BICDL1: variants seen among roughly 807,000 people sequenced by gnomAD.
The protein encoded by BICDL1 is BICD family-like cargo adapter 1.
In BICDL1, 20 loss-of-function variants were observed where a neutral mutation model predicts 76.8. That is an observed-to-expected ratio of 0.26 (90% CI 0.18 to 0.38). BICDL1 has a LOEUF of 0.38. BICDL1 is among the 10% of genes least tolerant of loss of function. The pLI, the probability that BICDL1 is intolerant of heterozygous loss-of-function variation, is 1.00. For missense variants in BICDL1, 700 were observed against 798.6 expected, an observed-to-expected ratio of 0.88 and a Z score of 1.49; for synonymous variants, 383 against 337.1, an observed-to-expected ratio of 1.14 and a Z score of -1.49.
chr12:120,013,476 G>GTGTGTC (rs1346659976), intron 2 of BICDL1, among the ~76,000 whole-genome samples: 8 of 150,774 alleles, frequency 5.3e-5, no homozygotes, highest in Non-Finnish European at 1.2e-4. Context: ...GTGTGTGTGT[G>GTGTGTC]TGTGTGTCAG....
intron 2 of BICDL1, among the ~76,000 whole-genome samples, chr12:120,001,541 T>C (rs1421022209): frequency 6.6e-6 from 1 of 151,846 alleles, no homozygotes; most frequent in Non-Finnish European, 1.5e-5. Context: ...CCACCACGCC[T>C]GGCCAAAGGC....
chr12:120,074,261 C>T (rs1231030971), intron 6 of BICDL1, among the ~76,000 whole-genome samples, 182 bp from the exon 7 acceptor site: 3 of 152,002 alleles, frequency 2.0e-5, no homozygotes, highest in African/African-American at 7.2e-5. Context: ...TCTCTTCCCT[C>T]CTCCTTTTCT....
In BICDL1 at chr12:120,036,050, GTATAT is replaced by G. The variant is rs1301079667; in HGVS notation, c.646-25653_646-25649del. 3.9e-5 allele frequency among the ~76,000 whole-genome samples: 6 copies of G among 152,096 alleles called. No homozygotes were observed. The South Asian group carries it at 8.3e-4, about 21-fold the overall frequency. ...TAGCTTAGTAAATTATTTTGCTTTGGTATATTATATTTCATTGTATGAATATTCAC... is the reference window on the plus strand; with the variant it reads ...TAGCTTAGTAAATTATTTTGCTTTGGTATATTTCATTGTATGAATATTCAC... On this transcript the variant is annotated intron_variant, in intron 2 of 9. Transcript: ENST00000548673.
chr12:120,092,301 C>T (rs772726783), intron 9 of BICDL1: 71 of 985,374 alleles, frequency 7.2e-5, no homozygotes, highest in Middle Eastern at 1.0e-3. Flanking sequence ...ACCACATGAA[C>T]GAATTCGAGT....
intron 7 of BICDL1, among the ~76,000 whole-genome samples, chr12:120,078,560 G>A (rs1873741022): frequency 6.6e-6 from 1 of 152,190 alleles, no homozygotes; most frequent in African/African-American, 2.4e-5. Flanking sequence ...ACAACCACAT[G>A]CATTGAGCCC....
intron 1 of BICDL1, chr12:119,993,433 C>T (rs1395093772): frequency 6.6e-6 from 1 of 152,108 alleles, no homozygotes; most frequent in Non-Finnish European, 1.5e-5. Context: ...TAAAGGCATA[C>T]TATTAATATT....
intron 2 of BICDL1, chr12:120,018,861 TG>T (rs1355604660): frequency 6.6e-6 from 1 of 151,984 alleles, no homozygotes; most frequent in Non-Finnish European, 1.5e-5. Context: ...TTGGCCAACG[TG>T]GTGAAACACC....
rs550764256 is a variant in BICDL1 at position 120,093,120 on chromosome 12, G to A, written c.1825G>A (p.Ala609Thr). ...TGGGCGGGGGGATGAGCCCAGCATC[G>A]CTGAAGGCAAACGACTCTTCTCATT... ...SAGRGDEPSI[A>T]EGKRLFSFFR... is the part of the protein sequence containing the mutation. Residue 609 changes from alanine (A) to threonine (T), a missense_variant, in exon 10 of 10, where the codon GCT (alanine) becomes ACT (threonine). By Grantham distance (58) the Ala-to-Thr change is moderately conservative. Coordinates refer to ENST00000548673, the MANE Select transcript of BICDL1 (RefSeq NM_001367886.1). 3.5e-5 allele frequency: 56 copies of A among 1,613,372 alleles called. No individual in the cohort carries two copies. The highest frequency in any genetic ancestry group is 5.0e-5 in the Admixed American group (3 of 59,912).
At chr12:120,083,420 G>A (rs1413931277) in intron 8 of BICDL1, among the ~76,000 whole-genome samples, 1 of 151,672 alleles carries the variant, frequency 6.6e-6, no homozygotes, top group Non-Finnish European at 1.5e-5. Flanking sequence ...CACCACACCT[G>A]GCTAGTTTTT....
At chr12:120,057,525 TATTTA>T (rs1481967148) in intron 2 of BICDL1, among the ~76,000 whole-genome samples, 1 of 152,232 alleles carries the variant, frequency 6.6e-6, no homozygotes, top group Non-Finnish European at 1.5e-5. Context: ...AAGAGGTTAT[TATTTA>T]ATTTATGTGC....
intron 2 of BICDL1, among the ~76,000 whole-genome samples, chr12:120,048,220 G>T (rs944149129): frequency 6.6e-6 from 1 of 151,126 alleles, no homozygotes; most frequent in South Asian, 2.1e-4. Context: ...TCACTGTGTC[G>T]CTCAGGCTGG....
chr12:120,003,903 G>C (rs376990120), intron 2 of BICDL1, among the ~76,000 whole-genome samples: 2 of 152,158 alleles, frequency 1.3e-5, no homozygotes, highest in Non-Finnish European at 2.9e-5. Flanking sequence ...TTGGGTTTAG[G>C]TATCATTATG....
intron 2 of BICDL1, among the ~76,000 whole-genome samples, chr12:120,039,765 G>A (rs1594152742): frequency 6.6e-6 from 1 of 152,138 alleles, no homozygotes; most frequent in Non-Finnish European, 1.5e-5. Context: ...TGGCCTGGAG[G>A]AGGAGTTTGG....
chr12:120,035,604 T>C (rs555444744), intron 2 of BICDL1, among the ~76,000 whole-genome samples: 1 of 152,328 alleles, frequency 6.6e-6, no homozygotes, highest in Non-Finnish European at 1.5e-5. Flanking sequence ...AACTACTTAC[T>C]GTAAATGGAG....
At chr12:120,070,475 AT>A (rs1226295825) in intron 4 of BICDL1, among the ~76,000 whole-genome samples, 1 of 152,152 alleles carries the variant, frequency 6.6e-6, no homozygotes, top group African/African-American at 2.4e-5. Flanking sequence ...CTCTCACGTT[AT>A]TTTGAAGTAA....
At chr12:120,058,124 C>T (rs945982197) in intron 2 of BICDL1, among the ~76,000 whole-genome samples, 9 of 152,094 alleles carry the variant, frequency 5.9e-5, no homozygotes, top group Admixed American at 3.3e-4. Context: ...TGAGCCACCG[C>T]GCCTGGCCGA....
intron 2 of BICDL1, among the ~76,000 whole-genome samples, chr12:120,046,420 A>G (rs1417646043): frequency 1.3e-5 from 2 of 152,236 alleles, no homozygotes; most frequent in Non-Finnish European, 2.9e-5. Context: ...TAGTAACAGC[A>G]ACAGCTAACA....
chr12:120,085,978 T>G (rs141836576), intron 8 of BICDL1, among the ~76,000 whole-genome samples: 179 of 147,598 alleles, frequency 1.2e-3, no homozygotes, highest in African/African-American at 4.5e-3. Flanking sequence ...AAGAAGCAAG[T>G]TGTCCAGTCT....
rs903552221 is a variant in BICDL1, at chr12:119,998,668, C to G, written c.577C>G (p.Arg193Gly). ...GCAGATTCATCTGCGGGAAGCAGAT[C>G]GAGAAAAATCACGGGCTGTCCAGGA... ...RQQIHLREAD[R>G]EKSRAVQELS... is the part of the protein sequence containing the mutation. The change falls in exon 2 of 10, where the codon CGA becomes GGA. Residue 193 changes from arginine (R) to glycine (G), a missense_variant. This residue lies in a region of BICDL1 where 455 missense variants were observed against 548.7 expected (regional missense o/e 0.83). Coordinates refer to ENST00000548673, the MANE Select transcript of BICDL1 (RefSeq NM_001367886.1). The G allele has an allele frequency of 2.5e-6, 4 of 1,613,842 alleles. No homozygotes were observed. The highest frequency in any genetic ancestry group is 1.1e-5 in the South Asian group (1 of 91,070).
Sources: allele counts gnomAD v4.1 joint callset (sites outside exome capture counted in the v4.1 genomes callset), GRCh38; gene constraint gnomAD v4.1.1; regional missense constraint gnomAD v4.1.1; transcripts MANE v1.5; gene names NCBI Gene and HGNC (gene_info 2026-07-23, HGNC 2026-07-21).